The following SV2C variants were observed in gnomAD, a reference collection of about 807,000 sequenced individuals.
SV2C encodes the protein solute carrier family 22 member B3.
In SV2C, 49 loss-of-function variants were observed where a neutral mutation model predicts 79.7. The observed-to-expected ratio is 0.61, with a 90% CI of 0.49 to 0.78. The LOEUF (loss-of-function observed/expected upper bound fraction) is 0.78, where lower values mean the gene tolerates loss of function less well. Among genes scored for constraint, SV2C ranks in the 30% least tolerant of loss-of-function variants. The probability of loss-of-function intolerance (pLI) is 0.00; values close to 1 mark genes in which losing one functional copy is unlikely to be tolerated. For synonymous variants in SV2C, 334 were observed against 333.2 expected (o/e 1.00, Z -0.03); for missense variants, 833 against 912.9 (o/e 0.91, Z 1.13).
the SV2C span, among the ~76,000 whole-genome samples, chr5:75,952,288 T>TTCCC: frequency 1.6e-5 from 2 of 124,392 alleles, no homozygotes; most frequent in Admixed American, 1.5e-4. Context: ...CCTTCCTTCC[T>TTCCC]TTCTTCCTTC....
At chr5:76,025,077 T>C in the SV2C span, among the ~76,000 whole-genome samples, 1 of 152,086 alleles carries the variant, frequency 6.6e-6, no homozygotes, top group African/African-American at 2.4e-5. Context: ...ACTCCATCTG[T>C]GTGTGTTCAC....
At chr5:75,987,414 TACA>T in the SV2C span, among the ~76,000 whole-genome samples, 3 of 152,008 alleles carry the variant, frequency 2.0e-5, no homozygotes, top group East Asian at 5.8e-4. Context: ...AGGATTCAGG[TACA>T]ACATCTATCT....
the SV2C span, chr5:75,920,731 C>T: frequency 3.9e-6 from 3 of 768,604 alleles, no homozygotes; most frequent in Admixed American, 1.7e-5. Flanking sequence ...ATCTGCGTCT[C>T]CTTGAAGGTG....
At chr5:75,996,625 G>T in the SV2C span, among the ~76,000 whole-genome samples, 2 of 151,978 alleles carry the variant, frequency 1.3e-5, no homozygotes, top group Non-Finnish European at 2.9e-5. Context: ...AGCATGGAAT[G>T]TTCTTCCATT....
chr5:76,125,170 T>C (rs761214612), intron 1 of SV2C, among the ~76,000 whole-genome samples: 1 of 152,230 alleles, frequency 6.6e-6, no homozygotes, highest in Non-Finnish European at 1.5e-5. Flanking sequence ...CCAGGCTCTT[T>C]GAATGACTTA....
the SV2C span, among the ~76,000 whole-genome samples, chr5:75,877,095 T>G: frequency 6.6e-6 from 1 of 151,930 alleles, no homozygotes. Context: ...AGCAAAAGGA[T>G]GTAAAAAGAC....
chr5:76,238,230 A>G (rs570046036), intron 4 of SV2C, among the ~76,000 whole-genome samples: 42 of 152,014 alleles, frequency 2.8e-4, no homozygotes, highest in African/African-American at 8.9e-4. Context: ...GCTTCTTTAT[A>G]TCTTCCAACC....
At position 76,104,158 on chromosome 5, in the gene SV2C, A is replaced by C. The variant is rs189378171; in HGVS notation, c.-102+20646A>C. ...ATATATGATAGCTGTAGGTAGCACT[A>C]TGAGCATTTTGTAGATGCCTGCCTG... On this transcript the variant is annotated intron_variant, in intron 1 of 12. Coordinates refer to ENST00000502798, the MANE Select transcript of SV2C (RefSeq NM_014979.4). 4.4e-4 allele frequency among the ~76,000 whole-genome samples: 67 copies of C among 152,314 alleles called. No homozygotes were observed. In the South Asian group the frequency reaches 8.3e-3, roughly 19 times the overall value.
At position 76,342,463 on chromosome 5, in the gene SV2C, C is replaced by T. The variant is rs547524768; in HGVS notation, c.2001-10667C>T. Among the ~76,000 whole-genome samples, 20 of 152,298 alleles carry T rather than the reference C, an allele frequency of 1.3e-4. 1 individual carries two copies. Among genetic ancestry groups the T allele is most frequent in the Admixed American group, 4.6e-4 (7 of 15,302 alleles). On this transcript the variant is annotated intron_variant, in intron 12 of 12. Coordinates refer to the SV2C transcript ENST00000322285. The stretch of plus-strand genomic sequence containing the variant: ...GGTGGTGGAGAAAATGAATAATTTA[C>T]GAGGATGAATGCAAGGCCATGTGAA...
At chr5:75,915,567 A>G in the SV2C span, among the ~76,000 whole-genome samples, 1 of 152,246 alleles carries the variant, frequency 6.6e-6, no homozygotes, top group South Asian at 2.1e-4. Flanking sequence ...GGTCACTGTA[A>G]CAACTCAACA....
the SV2C span, among the ~76,000 whole-genome samples, chr5:76,035,298 G>C: frequency 2.0e-5 from 3 of 150,702 alleles, no homozygotes; most frequent in African/African-American, 7.3e-5. Context: ...GCTAGCTTTT[G>C]AATGTGTTTG....
At chr5:76,353,315 C>A (rs1368639910) in exon 13 of SV2C, 2 of 225,036 alleles carry the variant, frequency 8.9e-6, no homozygotes, top group Admixed American at 5.7e-5. Context: ...TTGCTAAGAA[C>A]TTAGTAGATT....
chr5:76,009,701 A>G, the SV2C span, among the ~76,000 whole-genome samples: 1 of 152,180 alleles, frequency 6.6e-6, no homozygotes, highest in African/African-American at 2.4e-5. Flanking sequence ...TGGGAACTAA[A>G]CATTGGGTAC....
chr5:75,985,724 G>C, the SV2C span, among the ~76,000 whole-genome samples: 1 of 151,784 alleles, frequency 6.6e-6, no homozygotes, highest in South Asian at 2.1e-4. Flanking sequence ...AGTAAAAAAA[G>C]TGATGTTACT....
At chr5:76,177,821 TCTAAG>T (rs1269027659) in intron 2 of SV2C, among the ~76,000 whole-genome samples, 4 of 152,126 alleles carry the variant, frequency 2.6e-5, no homozygotes, top group Admixed American at 1.3e-4. Context: ...TGCTGGAGGG[TCTAAG>T]ATGACTGACA....
rs1749119477 is a variant in SV2C, at chr5:76,329,781, A to T, written c.*4234A>T. On this transcript the variant is annotated 3_prime_UTR_variant, in exon 13 of 13. Transcript: ENST00000502798. The stretch of plus-strand genomic sequence containing the variant: ...CTTCAGTAATATACCTGATCTGTTC[A>T]TGCACTAAAGGCTCTGGAGCCAGGA... 1 of 152,168 alleles carries T rather than the reference A, an allele frequency of 6.6e-6. No individual in the cohort carries two copies. The highest frequency in any genetic ancestry group is 1.9e-4 in the East Asian group (1 of 5,200). 9.4% of individuals were successfully genotyped at this position (152,168 alleles called of 1,614,324 possible). A position where few individuals can be genotyped will look rare whatever the true frequency, so the allele number is the denominator to read the frequency against.
the SV2C span, among the ~76,000 whole-genome samples, chr5:75,947,592 A>G: frequency 6.6e-6 from 1 of 152,042 alleles, no homozygotes; most frequent in African/African-American, 2.4e-5. Context: ...TCCACTACGC[A>G]GAGTGAAAGG....
At chr5:75,908,713 A>G in the SV2C span, among the ~76,000 whole-genome samples, 118 of 152,306 alleles carry the variant, frequency 7.7e-4, no homozygotes, top group African/African-American at 2.7e-3. Flanking sequence ...CTGACTACTC[A>G]GCACCTTTTG....
At chr5:75,953,254 G>A in the SV2C span, among the ~76,000 whole-genome samples, 1 of 151,990 alleles carries the variant, frequency 6.6e-6, no homozygotes, top group South Asian at 2.1e-4. Context: ...CTCCCAAGGA[G>A]AGGATTTATC....
Sources: allele counts gnomAD v4.1 joint callset (sites outside exome capture counted in the v4.1 genomes callset), GRCh38; gene constraint gnomAD v4.1.1; transcripts MANE v1.5; gene names NCBI Gene and HGNC (gene_info 2026-07-23, HGNC 2026-07-21).